Variants in PPAT observed in about 807,000 individuals in gnomAD.
PPAT encodes amidophosphoribosyltransferase.
PPAT carries 20 observed loss-of-function variants against 60.2 expected under a neutral mutation model. The observed-to-expected ratio is 0.33, with a 90% CI of 0.23 to 0.48. PPAT has a LOEUF of 0.48. Among genes scored for constraint, PPAT ranks in the 20% least tolerant of loss-of-function variants. PPAT has a pLI of 0.99. For missense variants in PPAT, 349 were observed against 629.6 expected (o/e 0.55, Z 4.77); for synonymous variants, 194 against 215.1 (o/e 0.90, Z 0.86).
rs1210887019 is a variant in PPAT, at chr4:56,401,568, A to G, written c.735-87T>C. 3 of 1,194,136 alleles carry G rather than the reference A, an allele frequency of 2.5e-6. No homozygotes were observed. The African/African-American group carries it at 4.7e-5, about 19-fold the overall frequency. 74.0% of individuals were successfully genotyped at this position (1,194,136 alleles called of 1,614,324 possible). ...ATATTAATTATAAAGCACACAGAGT[A>G]CCTTCCCTTAGAGAAACAATTGATT... On this transcript the variant is annotated intron_variant, in intron 6 of 10. Coordinates refer to ENST00000264220, the MANE Select transcript of PPAT (RefSeq NM_002703.5).
intron 1 of PPAT, chr4:56,429,018 G>T (rs1337216345): frequency 5.4e-6 from 5 of 927,896 alleles, no homozygotes; most frequent in Non-Finnish European, 6.4e-6. Flanking sequence ...AAGAGCCAGA[G>T]AAATAACAAG....
rs2271925 is a variant in PPAT at position 56,400,958 on chromosome 4, A to G, written c.887-47T>C. The stretch of plus-strand genomic sequence containing the variant: ...AGAGAGTATTTTTACTTAGCATGAT[A>G]TAACAGTGTTATTCTAAAAAACTAG... On this transcript the variant is annotated intron_variant, in intron 7 of 10. Transcript: ENST00000264220. 15 of 1,549,476 alleles carry G rather than the reference A, an allele frequency of 9.7e-6. 2 individuals carry two copies. The South Asian group carries it at 1.1e-4, about 12-fold the overall frequency.
At chr4:56,403,743 C>T (rs568455606) in intron 3 of PPAT, among the ~76,000 whole-genome samples, 338 of 152,262 alleles carry the variant, frequency 2.2e-3, no homozygotes, top group Non-Finnish European at 3.9e-3. Context: ...AGCTTGTTTT[C>T]CTGCAACTAG....
intron 1 of PPAT, among the ~76,000 whole-genome samples, chr4:56,417,303 T>G (rs373055653): frequency 3.3e-5 from 5 of 151,388 alleles, no homozygotes; most frequent in African/African-American, 1.2e-4. Context: ...GAAAAAAAAT[T>G]CTGAAAAGCA....
chr4:56,413,448 T>G (rs1463279977), intron 1 of PPAT, among the ~76,000 whole-genome samples: 1 of 152,154 alleles, frequency 6.6e-6, no homozygotes, highest in African/African-American at 2.4e-5. Context: ...AGGCACCATG[T>G]CTGGCCATTA....
In PPAT at chr4:56,403,130, T is replaced by C. The variant is rs538938687; in HGVS notation, c.571A>G (p.Arg191Gly). 6.2e-7 allele frequency: 1 copy of C among 1,611,908 alleles called. No individual in the cohort carries two copies. The highest frequency in any genetic ancestry group is 1.1e-5 in the South Asian group (1 of 90,996). Residue 191 changes from arginine (R) to glycine (G), a missense_variant, in exon 5 of 11, where the codon AGA (arginine) becomes GGA (glycine). Physicochemically the swap from Arg to Gly is moderately radical, Grantham distance 125. Around this residue, in one of 5 missense-constraint regions of PPAT, gnomAD observed 63 missense variants for 86.9 expected, o/e 0.73. Coordinates refer to ENST00000264220, the MANE Select transcript of PPAT (RefSeq NM_002703.5). ...TCTCGTACTGCATAAATAACATCTC[T>C]GTGCATTATAAGCAGGGAGTATGCT... ...PTAYSLLIMH[R>G]DVIYAVRDPY...
In PPAT at chr4:56,403,421, A is replaced by C. The variant is rs1468528527; in HGVS notation, c.403-20T>G. 1.3e-6 allele frequency: 2 copies of C among 1,566,392 alleles called. No homozygotes were observed. The highest frequency in any genetic ancestry group is 1.4e-5 in the African/African-American group (1 of 71,620). On this transcript the variant is annotated intron_variant, in intron 3 of 10. Transcript: ENST00000264220. ...CAGAAGCTATATAGAAAAAAAGAGA[A>C]GTTTAATCATCAGAGGGGAAGCTCC...
At chr4:56,431,431 T>C (rs1717580407) in intron 1 of PPAT, 19 of 981,900 alleles carry the variant, frequency 1.9e-5, no homozygotes, top group Non-Finnish European at 2.3e-5. Context: ...AACCAGTGTC[T>C]AAATCTCTTA....
intron 1 of PPAT, among the ~76,000 whole-genome samples, chr4:56,433,642 C>T (rs1432380313): frequency 6.6e-6 from 1 of 151,912 alleles, no homozygotes; most frequent in African/African-American, 2.4e-5. Flanking sequence ...ACCAGGCAAC[C>T]CTAAAGACCT....
rs562034010 is a variant in PPAT at position 56,435,206 on chromosome 4, C to T, written c.128+144G>A. ...GCCCCTCGTGCACGCCTAGGCAACC[C>T]GGTCGACGCCACAGGCAGGTACTGG... On this transcript the variant is annotated intron_variant, in intron 1 of 10. Coordinates refer to ENST00000264220, the MANE Select transcript of PPAT (RefSeq NM_002703.5). 87 of 1,239,114 alleles carry T rather than the reference C, an allele frequency of 7.0e-5. No individual in the cohort carries two copies. In the East Asian group the frequency reaches 1.9e-3, roughly 27 times the overall value. The allele number at this position is 1,239,114 out of a possible 1,614,324, so 76.8% of individuals were successfully genotyped here.
At chr4:56,403,900 GA>G in intron 3 of PPAT, 1 of 310,008 alleles carries the variant, frequency 3.2e-6, no homozygotes, top group Non-Finnish European at 6.6e-6. Flanking sequence ...TGCTGCTGCT[GA>G]TCTGGACAGG....
At chr4:56,408,492 G>T (rs1578118757) in intron 1 of PPAT, among the ~76,000 whole-genome samples, 1 of 147,020 alleles carries the variant, frequency 6.8e-6, no homozygotes, top group Admixed American at 6.9e-5. Flanking sequence ...CTCAAGTGAT[G>T]AGCTTTGTTA....
rs1415625542 is a variant in PPAT at position 56,394,780 on chromosome 4, G to C, written c.*572C>G. On this transcript the variant is annotated 3_prime_UTR_variant, in exon 11 of 11. Transcript: ENST00000264220. The stretch of plus-strand genomic sequence containing the variant: ...TGAAATGATGGCTCAAATCACAAAA[G>C]TATGACACTTATTCACATTCTTATT... 6.6e-6 allele frequency: 1 copy of C among 151,314 alleles called. No individual in the cohort carries two copies. The highest frequency in any genetic ancestry group is 1.5e-5 in the Non-Finnish European group (1 of 67,948). The allele number at this position is 151,314 out of a possible 1,614,324, so 9.4% of individuals were successfully genotyped here. A position where few individuals can be genotyped will look rare whatever the true frequency, so the allele number is the denominator to read the frequency against.
chr4:56,430,461 G>A (rs1456147420), intron 1 of PPAT, among the ~76,000 whole-genome samples: 1 of 151,966 alleles, frequency 6.6e-6, no homozygotes, highest in Non-Finnish European at 1.5e-5. Flanking sequence ...TGCCCTGTAT[G>A]GTAAAGTATT....
intron 9 of PPAT, among the ~76,000 whole-genome samples, chr4:56,397,656 A>G (rs1449095068): frequency 6.6e-6 from 1 of 152,214 alleles, no homozygotes; most frequent in African/African-American, 2.4e-5. Flanking sequence ...AAATCTTAAA[A>G]TAACTTAATA....
chr4:56,396,521 C>T lies in PPAT; in HGVS notation c.1357+98G>A. The T allele has an allele frequency of 1.6e-6, 2 of 1,242,432 alleles. No individual in the cohort carries two copies. The highest frequency in any genetic ancestry group is 2.2e-6 in the Non-Finnish European group (2 of 896,764). 77.0% of individuals were successfully genotyped at this position (1,242,432 alleles called of 1,614,324 possible). On this transcript the variant is annotated intron_variant, in intron 10 of 10. Transcript: ENST00000264220. This position sits in a 1 kb window ranked among gnomAD's most constrained non-coding sequence, Gnocchi z 4.6. ...GTTTAACATATATAACTACTTTTAA[C>T]AAACACTGAATACTCCTTTTTACTA...
At chr4:56,399,052 C>T (rs1469899212) in intron 9 of PPAT, 127 bp downstream of exon 9, 6 of 771,054 alleles carry the variant, frequency 7.8e-6, no homozygotes, top group Non-Finnish European at 1.2e-5. Context: ...TATTCCTAAA[C>T]CAAACTGATA....
chr4:56,434,390 C>A (rs1717781787), intron 1 of PPAT, among the ~76,000 whole-genome samples: 1 of 152,188 alleles, frequency 6.6e-6, no homozygotes, highest in Non-Finnish European at 1.5e-5. Flanking sequence ...TAAGTTGTTA[C>A]CACTGTATTG....
At chr4:56,435,243 G>A (rs1303899422) in intron 1 of PPAT, 107 bp downstream of exon 1, 3 of 1,512,324 alleles carry the variant, frequency 2.0e-6, no homozygotes, top group African/African-American at 1.4e-5. Flanking sequence ...TTAGGTCGGA[G>A]AGGTCGGTCC....
Sources: allele counts gnomAD v4.1 joint callset (sites outside exome capture counted in the v4.1 genomes callset), GRCh38; gene constraint gnomAD v4.1.1; regional missense constraint gnomAD v4.1.1; non-coding constraint Gnocchi (gnomAD v3.1); transcripts MANE v1.5; gene names NCBI Gene and HGNC (gene_info 2026-07-23, HGNC 2026-07-21).